AUTS2: variants seen among roughly 807,000 people sequenced by gnomAD.
AUTS2 encodes autism susceptibility gene 2 protein.
In AUTS2, 17 loss-of-function variants were observed where a neutral mutation model predicts 112.4. That is an observed-to-expected ratio of 0.15 (90% CI 0.10 to 0.23). AUTS2 has a LOEUF of 0.23. Among genes scored for constraint, AUTS2 ranks in the 10% least tolerant of loss-of-function variants. The pLI is 1.00. For synonymous variants in AUTS2, 751 were observed against 702.7 expected, an observed-to-expected ratio of 1.07 and a Z score of -1.09; for missense variants, 1,510 against 1,701.6, an observed-to-expected ratio of 0.89 and a Z score of 1.98.
chr7:70,099,674 T>C (rs1804385698), intron 2 of AUTS2, among the ~76,000 whole-genome samples: 1 of 152,200 alleles, frequency 6.6e-6, no homozygotes, highest in Admixed American at 6.5e-5. Flanking sequence ...ATGCCTCAAC[T>C]ACCTACCCTA....
intron 2 of AUTS2, among the ~76,000 whole-genome samples, chr7:69,984,192 C>T (rs1213227749): frequency 1.3e-5 from 2 of 151,890 alleles, no homozygotes; most frequent in Non-Finnish European, 1.5e-5. Flanking sequence ...CCAAGGCGGG[C>T]GGATCACGAG....
chr7:70,295,962 T>G (rs1469995714), intron 4 of AUTS2, among the ~76,000 whole-genome samples: 4 of 152,118 alleles, frequency 2.6e-5, no homozygotes, highest in Non-Finnish European at 4.4e-5. Context: ...TATACATTAT[T>G]GATAACTTCC....
At chr7:70,035,119 A>T (rs1400432416) in intron 2 of AUTS2, among the ~76,000 whole-genome samples, 1 of 152,198 alleles carries the variant, frequency 6.6e-6, no homozygotes, top group Admixed American at 6.5e-5. Context: ...AAAACAGAAC[A>T]TTTGCATTTC....
At chr7:70,676,737 C>T (rs1423619422) in intron 5 of AUTS2, among the ~76,000 whole-genome samples, 4 of 151,990 alleles carry the variant, frequency 2.6e-5, no homozygotes, top group African/African-American at 9.7e-5. Flanking sequence ...ATTAGCCAGG[C>T]GTGGTGGCAT....
intron 2 of AUTS2, among the ~76,000 whole-genome samples, chr7:70,068,254 T>A (rs184887609): frequency 6.6e-6 from 1 of 151,046 alleles, no homozygotes; most frequent in East Asian, 2.0e-4. Context: ...CTCAGCTGAC[T>A]GCAAGCTCCC....
At chr7:70,625,942 T>C (rs1429631416) in intron 5 of AUTS2, among the ~76,000 whole-genome samples, 1 of 152,134 alleles carries the variant, frequency 6.6e-6, no homozygotes, top group Non-Finnish European at 1.5e-5. Flanking sequence ...AGATGGAATC[T>C]TGCTCTGTCA....
chr7:70,679,869 C>G (rs536798410), intron 5 of AUTS2, among the ~76,000 whole-genome samples: 2 of 152,174 alleles, frequency 1.3e-5, no homozygotes, highest in Non-Finnish European at 2.9e-5. Flanking sequence ...TTGTGGATTT[C>G]AGACTAAAGT....
In AUTS2 at chr7:70,094,302, A is replaced by G. The variant is rs140726098; in HGVS notation, c.523-23830A>G. Among the ~76,000 whole-genome samples, 6 of 152,344 alleles carry G rather than the reference A, an allele frequency of 3.9e-5. No homozygotes were observed. The East Asian group carries it at 7.7e-4, about 20-fold the overall frequency. Reference sequence around the variant, plus strand: ...GTATGCTTTAGAAACCTTTGCCTACATGGAACCCATTAGTAGTGTCCTGGG... The same window carrying G: ...GTATGCTTTAGAAACCTTTGCCTACGTGGAACCCATTAGTAGTGTCCTGGG... On this transcript the variant is annotated intron_variant, in intron 2 of 18. Transcript: ENST00000342771.
intron 2 of AUTS2, among the ~76,000 whole-genome samples, chr7:69,980,801 G>A (rs1015621746): frequency 1.1e-4 from 17 of 152,066 alleles, no homozygotes; most frequent in African/African-American, 3.1e-4. Context: ...AAGCCTTGGC[G>A]TCAATTTTTT....
At chr7:69,834,072 C>T (rs1307418717) in intron 1 of AUTS2, among the ~76,000 whole-genome samples, 1 of 152,086 alleles carries the variant, frequency 6.6e-6, no homozygotes, top group East Asian at 1.9e-4. Flanking sequence ...AGCAGCAGGG[C>T]TCTGGTAAGT....
At chr7:70,736,590 C>G (rs976085283) in intron 6 of AUTS2, among the ~76,000 whole-genome samples, 5 of 152,052 alleles carry the variant, frequency 3.3e-5, no homozygotes, top group Non-Finnish European at 5.9e-5. Context: ...TTTTTTAATG[C>G]ATAAATTAGT....
At chr7:70,596,899 A>G (rs1457965196) in intron 5 of AUTS2, 5 of 152,226 alleles carry the variant, frequency 3.3e-5, no homozygotes, top group Non-Finnish European at 7.3e-5. Flanking sequence ...GCAATTACTA[A>G]CCAGGAAAAT....
chr7:70,347,750 T>C (rs1303120216), intron 4 of AUTS2, among the ~76,000 whole-genome samples: 1 of 152,082 alleles, frequency 6.6e-6, no homozygotes, highest in Admixed American at 6.5e-5. Flanking sequence ...CTGCAGGGCT[T>C]TGCACAGTCC....
At chr7:69,643,012 T>C (rs905979963) in intron 1 of AUTS2, among the ~76,000 whole-genome samples, 3 of 152,156 alleles carry the variant, frequency 2.0e-5, no homozygotes, top group African/African-American at 7.2e-5. Context: ...ACTTACACGC[T>C]TGACTATGGA....
At chr7:70,426,072 A>G (rs1413697937) in intron 4 of AUTS2, among the ~76,000 whole-genome samples, 1 of 152,220 alleles carries the variant, frequency 6.6e-6, no homozygotes, top group Non-Finnish European at 1.5e-5. Flanking sequence ...GAGGTTTCAC[A>G]GATGGTGTAC....
At chr7:70,023,034 G>A (rs1039421370) in intron 2 of AUTS2, among the ~76,000 whole-genome samples, 4 of 151,896 alleles carry the variant, frequency 2.6e-5, no homozygotes, top group African/African-American at 9.7e-5. Flanking sequence ...TTGTAGAGAC[G>A]GGGTCTTGCT....
chr7:70,617,503 A>C (rs1804435995), intron 5 of AUTS2, among the ~76,000 whole-genome samples: 1 of 152,152 alleles, frequency 6.6e-6, no homozygotes, highest in Non-Finnish European at 1.5e-5. Flanking sequence ...TCTACCAAAA[A>C]TACAAAAAAA....
intron 1 of AUTS2, among the ~76,000 whole-genome samples, chr7:69,889,727 G>A (rs898120523): frequency 1.4e-4 from 21 of 152,178 alleles, no homozygotes; most frequent in African/African-American, 4.1e-4. Flanking sequence ...AAATGTGTGC[G>A]TGTGTTACTT....
chr7:70,043,543 CCCTCCCTTCCTTCCTTCCTT>C (rs1255454209), intron 2 of AUTS2, among the ~76,000 whole-genome samples: 12 of 132,548 alleles, frequency 9.1e-5, no homozygotes, highest in African/African-American at 2.0e-4. Flanking sequence ...TTGCCTCCTT[CCCTCCCTTCCTTCCTTCCTT>C]CCTTCCTTCC....
Sources: allele counts gnomAD v4.1 joint callset (sites outside exome capture counted in the v4.1 genomes callset), GRCh38; gene constraint gnomAD v4.1.1; transcripts MANE v1.5; gene names NCBI Gene and HGNC (gene_info 2026-07-23, HGNC 2026-07-21).